SKIC3: variants seen among roughly 807,000 people sequenced by gnomAD.
SKIC3 encodes the protein SKI3 subunit of superkiller complex.
chr5:95,530,927 C>CA, the SKIC3 span, among the ~76,000 whole-genome samples: 2 of 151,708 alleles, frequency 1.3e-5, no homozygotes, highest in Non-Finnish European at 2.9e-5. Context: ...TCAAAACAAA[C>CA]AAAAAATTGT....
At chr5:95,536,067 T>A in the SKIC3 span, among the ~76,000 whole-genome samples, 1 of 152,132 alleles carries the variant, frequency 6.6e-6, no homozygotes, top group Non-Finnish European at 1.5e-5. Context: ...AACCTCTTGT[T>A]AACTGGTGGA....
At chr5:95,522,109 T>C in the SKIC3 span, 1 of 1,613,814 alleles carries the variant, frequency 6.2e-7, no homozygotes, top group East Asian at 2.2e-5. Flanking sequence ...GGTATTGAGC[T>C]ACAGCCTCCT....
the SKIC3 span, chr5:95,517,308 C>G: frequency 6.2e-7 from 1 of 1,612,790 alleles, no homozygotes; most frequent in South Asian, 1.1e-5. Context: ...CACATCAGCT[C>G]GATGCTGTAG....
chr5:95,500,078 AC>A, the SKIC3 span, among the ~76,000 whole-genome samples: 1 of 152,134 alleles, frequency 6.6e-6, no homozygotes, highest in East Asian at 1.9e-4. Context: ...CAGATGTTGT[AC>A]CCATAAATTC....
At chr5:95,491,311 G>T in the SKIC3 span, among the ~76,000 whole-genome samples, 7 of 152,102 alleles carry the variant, frequency 4.6e-5, no homozygotes, top group Admixed American at 3.3e-4. Flanking sequence ...TGCCTAGAGT[G>T]CTGTATTACT....
At chr5:95,508,172 C>A in the SKIC3 span, among the ~76,000 whole-genome samples, 1 of 152,124 alleles carries the variant, frequency 6.6e-6, no homozygotes, top group Non-Finnish European at 1.5e-5. Context: ...CTTTGAACTA[C>A]GGAGAGATCC....
chr5:95,509,669 G>A, the SKIC3 span: 3 of 1,612,300 alleles, frequency 1.9e-6, no homozygotes, highest in African/African-American at 2.7e-5. Context: ...GAAAGCTGGG[G>A]CATAATTCTG....
the SKIC3 span, chr5:95,523,185 A>T: frequency 6.2e-7 from 1 of 1,613,560 alleles, no homozygotes; most frequent in South Asian, 1.1e-5. Flanking sequence ...TAGTTTAAAT[A>T]CAATAAGGTG....
chr5:95,525,642 A>T, the SKIC3 span: 1 of 1,614,076 alleles, frequency 6.2e-7, no homozygotes, highest in East Asian at 2.2e-5. Flanking sequence ...TTTGAGAACC[A>T]AAAGTCCTGG....
At chr5:95,508,682 A>G in the SKIC3 span, among the ~76,000 whole-genome samples, 3 of 152,206 alleles carry the variant, frequency 2.0e-5, no homozygotes, top group Admixed American at 2.0e-4. Flanking sequence ...AGCAATTACT[A>G]TCATCACAGA....
the SKIC3 span, chr5:95,517,066 G>A: frequency 6.2e-7 from 1 of 1,613,372 alleles, no homozygotes; most frequent in Non-Finnish European, 8.5e-7. Context: ...AACACCTACG[G>A]GAATATAAAA....
chr5:95,536,756 A>G, the SKIC3 span: 6 of 1,353,184 alleles, frequency 4.4e-6, no homozygotes, highest in Non-Finnish European at 6.4e-6. Context: ...TTTTTGATTA[A>G]TAACATCACT....
the SKIC3 span, chr5:95,516,536 A>C: frequency 6.2e-7 from 1 of 1,613,366 alleles, no homozygotes; most frequent in South Asian, 1.1e-5. Context: ...ATTTGTTCTG[A>C]CTGGATTGAT....
chr5:95,503,954 C>A, the SKIC3 span: 2 of 1,613,008 alleles, frequency 1.2e-6, no homozygotes, highest in African/African-American at 2.7e-5. Context: ...AAGTAAAGCA[C>A]AACTTACTTT....
At chr5:95,473,162 G>A in the SKIC3 span, among the ~76,000 whole-genome samples, 2 of 152,126 alleles carry the variant, frequency 1.3e-5, no homozygotes, top group Non-Finnish European at 2.9e-5. Flanking sequence ...GCTTTAAGTT[G>A]AGATATCTAC....
chr5:95,487,371 C>T, the SKIC3 span, among the ~76,000 whole-genome samples: 2 of 152,156 alleles, frequency 1.3e-5, no homozygotes, highest in East Asian at 3.8e-4. Context: ...ATTCCTGGAA[C>T]CTGGGCAATC....
chr5:95,504,632 A>AT, the SKIC3 span, among the ~76,000 whole-genome samples: 45 of 147,344 alleles, frequency 3.1e-4, no homozygotes, highest in Admixed American at 8.7e-4. Context: ...TTATCTGCAC[A>AT]TTTTTTTTTT....
the SKIC3 span, among the ~76,000 whole-genome samples, chr5:95,546,793 T>G: frequency 2.0e-5 from 3 of 152,184 alleles, no homozygotes; most frequent in African/African-American, 7.2e-5. Flanking sequence ...ACAGTAGCAT[T>G]CCACGATACA....
At chr5:95,493,982 A>AT in the SKIC3 span, among the ~76,000 whole-genome samples, 1 of 152,148 alleles carries the variant, frequency 6.6e-6, no homozygotes, top group Admixed American at 6.6e-5. Context: ...AGGTGAGGCC[A>AT]TAACTGTGGC....
Sources: allele counts gnomAD v4.1 joint callset (sites outside exome capture counted in the v4.1 genomes callset), GRCh38; gene constraint gnomAD v4.1.1; transcripts MANE v1.5; gene names NCBI Gene and HGNC (gene_info 2026-07-23, HGNC 2026-07-21).